The following PLCG2 variants were observed in gnomAD, a reference collection of about 807,000 sequenced individuals.
PLCG2 encodes the protein phospholipase C gamma 2, also known as 1-phosphatidylinositol 4,5-bisphosphate phosphodiesterase gamma-2.
A neutral mutation model predicts 175.6 loss-of-function variants in PLCG2; 69 were observed. That is an observed-to-expected ratio of 0.39 (90% CI 0.32 to 0.48). The LOEUF (loss-of-function observed/expected upper bound fraction) is 0.48, where lower values mean the gene tolerates loss of function less well. Ranked by LOEUF, PLCG2 falls within the 20% of genes least tolerant of loss-of-function variation. The pLI is 0.91. For synonymous variants in PLCG2, 827 were observed against 624.0 expected (o/e 1.33, Z -4.85); for missense variants, 1,798 against 1,650.9 (o/e 1.09, Z -1.54).
At chr16:81,748,752 C>G (rs561470158) in intron 1 of PLCG2, among the ~76,000 whole-genome samples, 1 of 152,290 alleles carries the variant, frequency 6.6e-6, no homozygotes, top group Admixed American at 6.5e-5. Context: ...TAAACCCAAA[C>G]AGAAGGAAGG....
At chr16:81,923,438 C>T (rs1194442952) in intron 21 of PLCG2, 47 bp from the exon 22 acceptor site, 2 of 1,202,210 alleles carry the variant, frequency 1.7e-6, no homozygotes, top group African/African-American at 1.5e-5. Flanking sequence ...CGCCTCCCTC[C>T]CCTCCTGTCC....
chr16:81,895,332 G>A (rs986567876), intron 12 of PLCG2, among the ~76,000 whole-genome samples: 2 of 152,198 alleles, frequency 1.3e-5, no homozygotes, highest in African/African-American at 4.8e-5. Flanking sequence ...AAGCTGAGGT[G>A]GATGGATCAT....
chr16:81,780,664 A>G (rs1426218548), intron 1 of PLCG2, among the ~76,000 whole-genome samples: 1 of 152,198 alleles, frequency 6.6e-6, no homozygotes, highest in Non-Finnish European at 1.5e-5. Flanking sequence ...AAAAGCACAG[A>G]CCCCATGAAT....
chr16:81,835,847 T>C lies in PLCG2; in HGVS notation c.194-18597T>C, dbSNP rs1407407243. Among the ~76,000 whole-genome samples the C allele has an allele frequency of 2.0e-5, 3 of 152,118 alleles. No homozygotes were observed. In the East Asian group the frequency reaches 5.8e-4, roughly 29 times the overall value. ...GGCCTCTGGTAGCTGCTGGTGACCC[T>C]GGGTGTCCCTTGGCTGGTGGATATT... On this transcript the variant is annotated intron_variant, in intron 2 of 32. Coordinates refer to ENST00000564138, the MANE Select transcript of PLCG2 (RefSeq NM_002661.5).
intron 1 of PLCG2, among the ~76,000 whole-genome samples, chr16:81,750,390 A>C (rs1909784019): frequency 7.0e-6 from 1 of 143,838 alleles, no homozygotes; most frequent in Non-Finnish European, 1.5e-5. Context: ...ACTGCACTCC[A>C]GCCTGGGTGG....
rs962691410 is a variant in PLCG2 at position 81,823,943 on chromosome 16, C to T, written c.194-30501C>T. Among the ~76,000 whole-genome samples, 3 of 148,208 alleles carry T rather than the reference C, an allele frequency of 2.0e-5. No homozygotes were observed. The Admixed American group carries it at 2.0e-4, about 10-fold the overall frequency. ...TCCTTTCTTCCTTCCTTCCTCCCTT[C>T]CTCCTTTCCCTTTCCCTTTCCTTCC... is the stretch of plus-strand genomic sequence containing the variant. On this transcript the variant is annotated intron_variant, in intron 2 of 32. Transcript: ENST00000564138.
intron 2 of PLCG2, among the ~76,000 whole-genome samples, chr16:81,834,483 G>A (rs75187435): frequency 1.3e-5 from 2 of 152,228 alleles, no homozygotes; most frequent in East Asian, 3.9e-4. Flanking sequence ...TTCCCCTTCT[G>A]CAAAATGGAG....
chr16:81,778,026 A>AC (rs1555505425), upstream of PLCG2, among the ~76,000 whole-genome samples: 4 of 83,486 alleles, frequency 4.8e-5, no homozygotes, highest in Non-Finnish European at 5.0e-5. Flanking sequence ...CAAAAAAAAA[A>AC]AAAAACAAAA....
intron 1 of PLCG2, among the ~76,000 whole-genome samples, chr16:81,753,569 T>C (rs1040454772): frequency 2.0e-5 from 3 of 151,964 alleles, no homozygotes; most frequent in African/African-American, 7.3e-5. Flanking sequence ...TAGGCGCACA[T>C]TACCACGCCC....
rs1909322201 is a variant in PLCG2, at chr16:81,905,389, T to A, written c.1363-14T>A. On this transcript the variant is annotated splice_polypyrimidine_tract_variant and intron_variant, in intron 14 of 32. Coordinates refer to ENST00000564138, the MANE Select transcript of PLCG2 (RefSeq NM_002661.5). ...TCTCCATGGAGACAGCCTATGTATA[T>A]GTTTTCCCCTCAGCATAAGAAGCTG... is the stretch of plus-strand genomic sequence containing the variant. 1 of 1,597,202 alleles carries A rather than the reference T, an allele frequency of 6.3e-7. No individual in the cohort carries two copies.
chr16:81,884,863 A>G (rs915280538), intron 9 of PLCG2, among the ~76,000 whole-genome samples: 1 of 152,134 alleles, frequency 6.6e-6, no homozygotes, highest in Non-Finnish European at 1.5e-5. Context: ...CATCACTCAG[A>G]TTAAAAATTA....
chr16:81,824,688 C>G (rs1904968093), intron 2 of PLCG2, among the ~76,000 whole-genome samples: 1 of 152,206 alleles, frequency 6.6e-6, no homozygotes, highest in African/African-American at 2.4e-5. Context: ...GGCTGGGATC[C>G]TCTCGTAGCT....
chr16:81,920,136 G>T (rs927247413), intron 20 of PLCG2, among the ~76,000 whole-genome samples: 1 of 152,180 alleles, frequency 6.6e-6, no homozygotes, highest in Non-Finnish European at 1.5e-5. Flanking sequence ...TGGGGGTAGA[G>T]CTAAATAAGG....
intron 1 of PLCG2, among the ~76,000 whole-genome samples, chr16:81,781,204 A>C (rs1910715983): frequency 6.6e-6 from 1 of 152,238 alleles, no homozygotes; most frequent in African/African-American, 2.4e-5. Context: ...ATTTACCAGA[A>C]GATCACCTTT....
intron 21 of PLCG2, among the ~76,000 whole-genome samples, chr16:81,922,472 A>G (rs1910099664): frequency 6.6e-6 from 1 of 152,262 alleles, no homozygotes; most frequent in Non-Finnish European, 1.5e-5. Flanking sequence ...TAAGAAGTGC[A>G]AGCTGTTGTC....
intron 24 of PLCG2, among the ~76,000 whole-genome samples, chr16:81,929,842 G>A (rs376603523): frequency 3.9e-5 from 6 of 152,264 alleles, no homozygotes; most frequent in Non-Finnish European, 7.3e-5. Context: ...CTTTGGGCAG[G>A]GGGGTGCAGG....
intron 2 of PLCG2, among the ~76,000 whole-genome samples, chr16:81,768,549 TCA>T (rs1212093746): frequency 6.0e-5 from 7 of 117,490 alleles, no homozygotes; most frequent in Non-Finnish European, 1.2e-4. Flanking sequence ...GGTGTTATCC[TCA>T]GTTTTTTTTT....
At chr16:81,760,823 G>T (rs1910026902) in intron 2 of PLCG2, among the ~76,000 whole-genome samples, 1 of 151,880 alleles carries the variant, frequency 6.6e-6, no homozygotes, top group Admixed American at 6.6e-5. Flanking sequence ...CCAGCACTTT[G>T]GTAGGCTAAG....
intron 7 of PLCG2, among the ~76,000 whole-genome samples, chr16:81,871,804 T>C (rs4997771): frequency 0.55 from 83,094 of 151,984 alleles, 23,472 homozygotes; most frequent in Middle Eastern, 0.62. Context: ...TATCGGATTG[T>C]TTATTGCAGC....
Sources: allele counts gnomAD v4.1 joint callset (sites outside exome capture counted in the v4.1 genomes callset), GRCh38; gene constraint gnomAD v4.1.1; transcripts MANE v1.5; gene names NCBI Gene and HGNC (gene_info 2026-07-23, HGNC 2026-07-21).